BCL2A1: variants seen among roughly 807,000 people sequenced by gnomAD.
BCL2A1 encodes the protein bcl-2-related protein A1.
Under a neutral mutation model 14.4 loss-of-function variants are expected in BCL2A1, and 10 were observed. The observed-to-expected ratio is 0.69, with a 90% CI of 0.43 to 1.18. The LOEUF (loss-of-function observed/expected upper bound fraction) is 1.18. BCL2A1 is among the 50% of genes most tolerant of loss of function. The probability of loss-of-function intolerance (pLI) is 0.00; values close to 1 mark genes in which losing one functional copy is unlikely to be tolerated. For missense variants in BCL2A1, 158 were observed against 205.0 expected, an observed-to-expected ratio of 0.77 and a Z score of 1.40; for synonymous variants, 71 against 76.5, an observed-to-expected ratio of 0.93 and a Z score of 0.38.
At chr15:79,962,869 A>G (rs1798347247) in intron 1 of BCL2A1, among the ~76,000 whole-genome samples, 1 of 151,814 alleles carries the variant, frequency 6.6e-6, no homozygotes, top group Admixed American at 6.6e-5. Context: ...TATGACAACG[A>G]TCATTGTCTA....
At position 79,970,954 on chromosome 15, in the gene BCL2A1, A is replaced by G. The variant is rs1371582872; in HGVS notation, c.166T>C (p.Leu56=). 6.2e-7 allele frequency: 1 copy of G among 1,614,260 alleles called. No individual in the cohort carries two copies. The highest frequency in any genetic ancestry group is 8.5e-7 in the Non-Finnish European group (1 of 1,180,044). ...ACGGACACAACATTAACATTGTCCA[A>G]GCATGACTTCAGATTCTTTTCCACT... ...KEVEKNLKSC[L]DNVNVVSVDT... The change falls in exon 1 of 2, where the codon TTG becomes CTG. Residue 56 remains leucine, a synonymous_variant. Coordinates refer to ENST00000267953, the MANE Select transcript of BCL2A1 (RefSeq NM_004049.4).
intron 1 of BCL2A1, among the ~76,000 whole-genome samples, chr15:79,962,668 C>G (rs761222267): frequency 6.6e-6 from 1 of 151,796 alleles, no homozygotes; most frequent in Non-Finnish European, 1.5e-5. Flanking sequence ...CTGCCTCAGC[C>G]TCCTGAGTAG....
chr15:79,968,582 A>G (rs4633673), intron 1 of BCL2A1, among the ~76,000 whole-genome samples: 11 of 152,384 alleles, frequency 7.2e-5, no homozygotes, highest in African/African-American at 2.6e-4. Context: ...TTAAACATTT[A>G]TAATGACCAA....
At chr15:79,965,960 G>GAAAAAAAAAAAAAAAA (rs398057861) in intron 1 of BCL2A1, among the ~76,000 whole-genome samples, 1 of 93,570 alleles carries the variant, frequency 1.1e-5, no homozygotes. Context: ...GGATGACAAA[G>GAAAAAAAAAAAAAAAA]AAAAAAAAAA....
intron 1 of BCL2A1, among the ~76,000 whole-genome samples, chr15:79,965,184 G>A (rs2035528580): frequency 6.6e-6 from 1 of 152,150 alleles, no homozygotes; most frequent in Admixed American, 6.5e-5. Flanking sequence ...CTGGAGTGCA[G>A]TGGCACGATC....
At chr15:79,962,405 C>T (rs1033038145) in intron 1 of BCL2A1, among the ~76,000 whole-genome samples, 5 of 151,952 alleles carry the variant, frequency 3.3e-5, no homozygotes, top group African/African-American at 1.2e-4. Context: ...AGGAAACTGG[C>T]CCTCTCTCTT....
At chr15:79,961,746 G>T (rs1021494267) in intron 1 of BCL2A1, among the ~76,000 whole-genome samples, 2 of 152,084 alleles carry the variant, frequency 1.3e-5, no homozygotes, top group East Asian at 1.9e-4. Flanking sequence ...GCTATGAAAA[G>T]GTTGATAGTT....
At chr15:79,965,198 C>T (rs2035528932) in intron 1 of BCL2A1, among the ~76,000 whole-genome samples, 1 of 152,036 alleles carries the variant, frequency 6.6e-6, no homozygotes, top group Non-Finnish European at 1.5e-5. Flanking sequence ...CACGATCTCA[C>T]CTCACTGCAA....
intron 1 of BCL2A1, among the ~76,000 whole-genome samples, chr15:79,963,860 T>C (rs1019080041): frequency 6.6e-6 from 1 of 152,202 alleles, no homozygotes; most frequent in African/African-American, 2.4e-5. Flanking sequence ...AAGTAAATTA[T>C]GATATAACAA....
Position 79,969,948 on chromosome 15 carries a change from T to C in BCL2A1, c.420+752A>G, listed in dbSNP as rs369454816. Among the ~76,000 whole-genome samples the C allele has an allele frequency of 3.9e-5, 6 of 152,238 alleles. No individual in the cohort carries two copies. The East Asian group carries it at 9.6e-4, about 24-fold the overall frequency. On this transcript the variant is annotated intron_variant, in intron 1 of 1. Transcript: ENST00000267953. The stretch of plus-strand genomic sequence containing the variant: ...ATATTGGAATATAAAGGAAACCATA[T>C]ACATCCAGCTGTGTCAGGCTTTTTA...
chr15:79,966,370 T>C (rs1438302733), intron 1 of BCL2A1, among the ~76,000 whole-genome samples: 5 of 152,206 alleles, frequency 3.3e-5, no homozygotes, highest in Admixed American at 2.0e-4. Context: ...GTTTCAGTGT[T>C]GGTTCGTTGA....
intron 1 of BCL2A1, among the ~76,000 whole-genome samples, chr15:79,961,571 C>A (rs1333565308): frequency 6.6e-6 from 1 of 152,142 alleles, no homozygotes; most frequent in Non-Finnish European, 1.5e-5. Context: ...GCAAGCACAG[C>A]TCTAGAGGAT....
Position 79,960,967 on chromosome 15 carries a change from T to A in BCL2A1, c.*100A>T. On this transcript the variant is annotated 3_prime_UTR_variant, in exon 2 of 2. Coordinates refer to ENST00000267953, the MANE Select transcript of BCL2A1 (RefSeq NM_004049.4). ...AACTCTGGAAGGTCAAGTTACATCATCAAAGTTGTTTATTTAAAAGTAGAA... is the reference window on the plus strand; with the variant it reads ...AACTCTGGAAGGTCAAGTTACATCAACAAAGTTGTTTATTTAAAAGTAGAA... The A allele has an allele frequency of 6.4e-7, 1 of 1,559,862 alleles. No individual in the cohort carries two copies. Among genetic ancestry groups the A allele is most frequent in the Non-Finnish European group, 8.8e-7 (1 of 1,138,728 alleles).
intron 1 of BCL2A1, among the ~76,000 whole-genome samples, chr15:79,969,255 A>C (rs113546151): frequency 0.023 from 3,468 of 152,278 alleles, 104 homozygotes; most frequent in African/African-American, 0.072. Flanking sequence ...GGCATATCCT[A>C]ACGAGCTGCT....
chr15:79,964,540 C>T (rs182187760), intron 1 of BCL2A1, among the ~76,000 whole-genome samples: 118 of 152,286 alleles, frequency 7.7e-4, no homozygotes, highest in African/African-American at 2.7e-3. Flanking sequence ...CATTATTATT[C>T]ATTTATTCAT....
At chr15:79,964,144 A>C (rs2035515859) in intron 1 of BCL2A1, among the ~76,000 whole-genome samples, 1 of 152,216 alleles carries the variant, frequency 6.6e-6, no homozygotes. Flanking sequence ...CAAGGATTCA[A>C]TATCCTATCA....
At chr15:79,969,258 G>A (rs1181128327) in intron 1 of BCL2A1, among the ~76,000 whole-genome samples, 3 of 152,152 alleles carry the variant, frequency 2.0e-5, no homozygotes, top group Admixed American at 6.5e-5. Flanking sequence ...ATATCCTAAC[G>A]AGCTGCTGAT....
intron 1 of BCL2A1, among the ~76,000 whole-genome samples, chr15:79,963,376 A>C (rs939901660): frequency 1.3e-5 from 2 of 152,210 alleles, no homozygotes; most frequent in African/African-American, 4.8e-5. Flanking sequence ...GTTCATTCAA[A>C]TGTAACAGAA....
At chr15:79,966,200 G>A (rs2035540072) in intron 1 of BCL2A1, among the ~76,000 whole-genome samples, 1 of 151,988 alleles carries the variant, frequency 6.6e-6, no homozygotes, top group African/African-American at 2.4e-5. Flanking sequence ...TTAAAGGTAG[G>A]TAAGATTGTT....
Sources: gnomAD v4.1 joint callset for allele counts (sites outside exome capture counted in the v4.1 genomes callset) on GRCh38, gnomAD v4.1.1 for gene constraint, MANE v1.5 for transcripts, NCBI Gene and HGNC (gene_info 2026-07-23, HGNC 2026-07-21) for gene names.